Variants in MTFR1 observed in about 807,000 individuals in gnomAD.
The protein encoded by MTFR1 is mitochondrial fission regulator 1.
In MTFR1, 28 loss-of-function variants were observed where a neutral mutation model predicts 38.8. The observed-to-expected ratio is 0.72, with a 90% CI of 0.53 to 0.99. The LOEUF (loss-of-function observed/expected upper bound fraction) is 0.99, where lower values mean the gene tolerates loss of function less well. MTFR1 is among the 50% of genes least tolerant of loss of function. MTFR1 has a pLI of 0.00. For missense variants in MTFR1, 358 were observed against 395.5 expected, an observed-to-expected ratio of 0.91 and a Z score of 0.81; for synonymous variants, 145 against 137.0, an observed-to-expected ratio of 1.06 and a Z score of -0.41.
In MTFR1 at chr8:65,697,839, C is replaced by T. The variant is rs140069336; in HGVS notation, c.281+4080C>T. Among the ~76,000 whole-genome samples the T allele has an allele frequency of 1.0e-3, 155 of 152,166 alleles. 2 individuals are homozygous for T. Among genetic ancestry groups the T allele is most frequent in the Non-Finnish European group, 1.9e-3 (128 of 68,006 alleles). ...GTGTATTCTTTCAGGTAAAACGTATCGTGTCTTTTGCTTATTTTCTAACTG... is the reference window on the plus strand; with the variant it reads ...GTGTATTCTTTCAGGTAAAACGTATTGTGTCTTTTGCTTATTTTCTAACTG... On this transcript the variant is annotated intron_variant, in intron 4 of 7. Coordinates refer to ENST00000262146, the MANE Select transcript of MTFR1 (RefSeq NM_014637.4).
At chr8:65,670,484 TAG>T (rs1171160499) in intron 2 of MTFR1, among the ~76,000 whole-genome samples, 10 of 152,206 alleles carry the variant, frequency 6.6e-5, no homozygotes, top group African/African-American at 2.4e-4. Flanking sequence ...TGTTCTATGC[TAG>T]AGATATTAGT....
At chr8:65,693,199 G>A (rs766969355) in intron 3 of MTFR1, among the ~76,000 whole-genome samples, 12 of 151,884 alleles carry the variant, frequency 7.9e-5, no homozygotes, top group Non-Finnish European at 1.6e-4. Context: ...TCAGGCGTTC[G>A]AGACCCGCCT....
chr8:65,764,302 AAATTT>A (rs1280860548), intron 3 of MTFR1, among the ~76,000 whole-genome samples: 1 of 152,244 alleles, frequency 6.6e-6, no homozygotes, highest in Non-Finnish European at 1.5e-5. Context: ...GAAGAAATTA[AAATTT>A]AATAGACACT....
chr8:65,704,795 C>G lies in MTFR1; in HGVS notation c.383C>G (p.Pro128Arg), dbSNP rs147447251. 72 of 1,613,970 alleles carry G rather than the reference C, an allele frequency of 4.5e-5. No homozygotes were observed. The highest frequency in any genetic ancestry group is 6.7e-5 in the Admixed American group (4 of 59,974). ...TTACCAGACTTGTCTCAAGAAGAGC[C>G]TCAGCTGAAGACCCCAGCGCTGGCA... ...ISLPDLSQEE[P>R]QLKTPALANE... Residue 128 changes from proline to arginine, a missense_variant, in exon 5 of 8, where the codon CCT (proline) becomes CGT (arginine). Transcript: ENST00000262146.
At chr8:65,732,189 G>A (rs1375292292) in intron 3 of MTFR1, among the ~76,000 whole-genome samples, 2 of 151,736 alleles carry the variant, frequency 1.3e-5, no homozygotes, top group Non-Finnish European at 2.9e-5. Flanking sequence ...AGTAGAGACG[G>A]GGTTTCACCA....
chr8:65,724,457 G>T, intron 3 of MTFR1: 1 of 666,936 alleles, frequency 1.5e-6, no homozygotes, highest in South Asian at 2.3e-5. Context: ...AAATAAATAA[G>T]CCAGAAATAT....
At chr8:65,752,273 C>T (rs1312299294) in intron 3 of MTFR1, among the ~76,000 whole-genome samples, 14 of 152,086 alleles carry the variant, frequency 9.2e-5, no homozygotes, top group South Asian at 6.2e-4. Context: ...TACTCAATAA[C>T]GCAAGACCTT....
At chr8:65,654,186 C>T (rs12677419) in intron 1 of MTFR1, among the ~76,000 whole-genome samples, 15,995 of 152,006 alleles carry the variant, frequency 0.11, 1,905 homozygotes, top group East Asian at 0.52. Context: ...GTCTCACCAC[C>T]AAGCCCTCAG....
At chr8:65,748,991 T>C (rs1807810183) in intron 3 of MTFR1, among the ~76,000 whole-genome samples, 1 of 152,200 alleles carries the variant, frequency 6.6e-6, no homozygotes, top group South Asian at 2.1e-4. Flanking sequence ...ATGAACTTCA[T>C]TTCCTTAGCC....
At chr8:65,730,234 G>C (rs1210043172) in intron 3 of MTFR1, among the ~76,000 whole-genome samples, 1 of 125,912 alleles carries the variant, frequency 7.9e-6, no homozygotes, top group African/African-American at 3.0e-5. Flanking sequence ...AGGCTGCAGA[G>C]TAATGGCGCA....
chr8:65,674,862 G>A (rs1474959884), intron 2 of MTFR1, among the ~76,000 whole-genome samples: 1 of 152,138 alleles, frequency 6.6e-6, no homozygotes, highest in Non-Finnish European at 1.5e-5. Flanking sequence ...GGTTCAGAGT[G>A]TTTAACTGCC....
intron 3 of MTFR1, among the ~76,000 whole-genome samples, chr8:65,755,278 C>T (rs1808171578): frequency 6.6e-6 from 1 of 152,138 alleles, no homozygotes; most frequent in African/African-American, 2.4e-5. Flanking sequence ...GCCTCAGCCT[C>T]CCAAAGTGCT....
At chr8:65,740,300 C>A (rs1234169188) in intron 3 of MTFR1, among the ~76,000 whole-genome samples, 2 of 152,130 alleles carry the variant, frequency 1.3e-5, no homozygotes, top group Non-Finnish European at 2.9e-5. Context: ...TATTTTCAAG[C>A]CTTTTATGCT....
At chr8:65,726,465 G>A (rs1031076213) in intron 3 of MTFR1, among the ~76,000 whole-genome samples, 1 of 152,006 alleles carries the variant, frequency 6.6e-6, no homozygotes, top group Non-Finnish European at 1.5e-5. Flanking sequence ...GAAAACTTCT[G>A]GGAACAGATT....
intron 3 of MTFR1, among the ~76,000 whole-genome samples, chr8:65,725,806 GA>G: frequency 6.6e-6 from 1 of 152,152 alleles, no homozygotes; most frequent in South Asian, 2.1e-4. Flanking sequence ...ATCATCAAAT[GA>G]AAAACATGAT....
At chr8:65,772,933 G>A (rs139151364), downstream of MTFR1, among the ~76,000 whole-genome samples, 1,384 of 152,252 alleles carry the variant, frequency 9.1e-3, 16 homozygotes, top group African/African-American at 0.03. Context: ...ACTTGAACCT[G>A]GGAGACGGAG....
intron 1 of MTFR1, among the ~76,000 whole-genome samples, chr8:65,659,599 C>T (rs557970490): frequency 1.4e-3 from 213 of 151,948 alleles, no homozygotes; most frequent in Non-Finnish European, 2.2e-3. Context: ...TGTGCAGTTT[C>T]GGGGTAACAA....
intron 3 of MTFR1, among the ~76,000 whole-genome samples, chr8:65,690,644 G>A (rs540535174): frequency 1.3e-5 from 2 of 151,984 alleles, no homozygotes; most frequent in Admixed American, 6.5e-5. Flanking sequence ...AGCTATTTTT[G>A]TAACTTCTGT....
In MTFR1 at chr8:65,724,895, G is replaced by A. The variant is rs201522074; in HGVS notation, c.*48+5414G>A. 19 of 1,606,962 alleles carry A rather than the reference G, an allele frequency of 1.2e-5. No homozygotes were observed. The East Asian group carries it at 2.5e-4, about 21-fold the overall frequency. ...ACTGATGTCTGTGGCTAGTATCAGA[G>A]CACCTATCTGTGTCTCCATTTGTTG... On this transcript the variant is annotated intron_variant, in intron 3 of 3. Coordinates refer to the MTFR1 transcript ENST00000521247.
Sources: gnomAD v4.1 joint callset for allele counts (sites outside exome capture counted in the v4.1 genomes callset) on GRCh38, gnomAD v4.1.1 for gene constraint, MANE v1.5 for transcripts, NCBI Gene and HGNC (gene_info 2026-07-23, HGNC 2026-07-21) for gene names.